Variants in GPR157 observed in about 807,000 individuals in gnomAD.
The protein encoded by GPR157 is G protein-coupled receptor 157.
Under a neutral mutation model 23.5 loss-of-function variants are expected in GPR157, and 16 were observed. That is an observed-to-expected ratio of 0.68 (90% CI 0.46 to 1.04). The LOEUF is 1.04. Ranked by LOEUF, GPR157 falls within the 50% of genes least tolerant of loss-of-function variation. GPR157 has a pLI of 0.00. For missense variants in GPR157, 440 were observed against 460.7 expected, an observed-to-expected ratio of 0.96 and a Z score of 0.41; for synonymous variants, 200 against 221.5, an observed-to-expected ratio of 0.90 and a Z score of 0.86.
chr1:9,115,480 G>A (rs987492154), intron 1 of GPR157, among the ~76,000 whole-genome samples: 2 of 152,028 alleles, frequency 1.3e-5, no homozygotes, highest in Non-Finnish European at 2.9e-5. Context: ...TTCCCTTAAC[G>A]GGATGAAAAT....
intron 1 of GPR157, among the ~76,000 whole-genome samples, chr1:9,117,119 C>T (rs998590646): frequency 2.0e-5 from 3 of 152,144 alleles, no homozygotes; most frequent in Non-Finnish European, 2.9e-5. Context: ...GCTAGGACTA[C>T]AGGCAGGAGC....
chr1:9,129,065 G>A lies in GPR157; in HGVS notation c.-38C>T. On this transcript the variant is annotated 5_prime_UTR_variant, in exon 1 of 4. Transcript: ENST00000377411. ...CAGGAGCCGGAGCGCCGCGAGGACAGAAGCCGGGCCGCGCGTGCGGCCACG... is the reference window on the plus strand; with the variant it reads ...CAGGAGCCGGAGCGCCGCGAGGACAAAAGCCGGGCCGCGCGTGCGGCCACG... The A allele has an allele frequency of 1.6e-6, 2 of 1,223,370 alleles. No individual in the cohort carries two copies. Among genetic ancestry groups the A allele is most frequent in the African/African-American group, 1.6e-5 (1 of 63,738 alleles). The allele number at this position is 1,223,370 out of a possible 1,614,324, so 75.8% of individuals were successfully genotyped here.
intron 1 of GPR157, among the ~76,000 whole-genome samples, chr1:9,123,350 T>A (rs1638863300): frequency 1.4e-4 from 4 of 27,842 alleles, no homozygotes; most frequent in African/African-American, 5.2e-4. Context: ...ATATATATAT[T>A]TAATTTAAAT....
rs894941388 is a variant in GPR157 at position 9,128,307 on chromosome 1, G to A, written c.383+338C>T. 1 of 570,524 alleles carries A rather than the reference G, an allele frequency of 1.8e-6. No homozygotes were observed. Among genetic ancestry groups the A allele is most frequent in the African/African-American group, 1.8e-5 (1 of 54,352 alleles). The allele number at this position is 570,524 out of a possible 1,614,324, so 35.3% of individuals were successfully genotyped here. A position where few individuals can be genotyped will look rare whatever the true frequency, so the allele number is the denominator to read the frequency against. ...AGCCTGTTTCCCCATGGGCAGCAGAGACAGCCAGGACACAGTGAAGCAGGT... is the reference window on the plus strand; with the variant it reads ...AGCCTGTTTCCCCATGGGCAGCAGAAACAGCCAGGACACAGTGAAGCAGGT... On this transcript the variant is annotated intron_variant, in intron 1 of 3. Coordinates refer to ENST00000377411, the MANE Select transcript of GPR157 (RefSeq NM_024980.5). The surrounding 1 kb of genome is among the most constrained non-coding windows in gnomAD (Gnocchi z 6.3).
At chr1:9,123,083 G>C (rs529459990) in intron 1 of GPR157, among the ~76,000 whole-genome samples, 17 of 150,026 alleles carry the variant, frequency 1.1e-4, no homozygotes, top group Admixed American at 6.8e-4. Flanking sequence ...TTGAACACGG[G>C]AGGTGGAGGT....
chr1:9,113,956 A>AACACACACACACACACAC (rs35650719), intron 1 of GPR157, among the ~76,000 whole-genome samples: 3 of 121,884 alleles, frequency 2.5e-5, no homozygotes, highest in Non-Finnish European at 3.3e-5. Context: ...AAAAAAACCA[A>AACACACACACACACACAC]ACACACACAC....
intron 2 of GPR157, among the ~76,000 whole-genome samples, chr1:9,110,248 C>T (rs1197016214): frequency 2.0e-5 from 3 of 152,168 alleles, no homozygotes; most frequent in Non-Finnish European, 4.4e-5. Flanking sequence ...TGAGGCCGGG[C>T]GCGGTGGCTC....
At chr1:9,112,081 G>A (rs947220518) in intron 1 of GPR157, among the ~76,000 whole-genome samples, 3 of 152,236 alleles carry the variant, frequency 2.0e-5, no homozygotes, top group Non-Finnish European at 4.4e-5. Flanking sequence ...GCTGTCCCAG[G>A]TTTCAGGCCT....
intron 1 of GPR157, among the ~76,000 whole-genome samples, chr1:9,123,389 ATTT>A (rs1339765818): frequency 2.7e-5 from 1 of 37,290 alleles, no homozygotes; most frequent in Non-Finnish European, 5.5e-5. Flanking sequence ...TATATATTTA[ATTT>A]AAATATATAT....
intron 1 of GPR157, among the ~76,000 whole-genome samples, chr1:9,121,532 T>C (rs1022567217): frequency 3.3e-5 from 5 of 151,650 alleles, no homozygotes; most frequent in African/African-American, 9.7e-5. Flanking sequence ...CCCAGCTACA[T>C]GGGAGGCTGA....
intron 2 of GPR157, among the ~76,000 whole-genome samples, chr1:9,108,774 C>T (rs1199232529): frequency 6.7e-6 from 1 of 148,194 alleles, no homozygotes; most frequent in Non-Finnish European, 1.5e-5. Flanking sequence ...GGACTATAGA[C>T]ATGCACCAGC....
chr1:9,121,880 C>A (rs867347260), intron 1 of GPR157, among the ~76,000 whole-genome samples: 1 of 152,162 alleles, frequency 6.6e-6, no homozygotes, highest in Non-Finnish European at 1.5e-5. Flanking sequence ...CCCAGCTCAG[C>A]GGGGCCAGAA....
At chr1:9,123,164 A>G (rs60620058) in intron 1 of GPR157, among the ~76,000 whole-genome samples, 52,469 of 100,028 alleles carry the variant, frequency 0.52, 12,290 homozygotes, top group African/African-American at 0.61. Flanking sequence ...CTTGGGTGGG[A>G]AAAAAAAAAA....
At chr1:9,123,275 A>AATATATAATATATATATAAAT (rs1638853965) in intron 1 of GPR157, among the ~76,000 whole-genome samples, 4 of 25,140 alleles carry the variant, frequency 1.6e-4, no homozygotes, top group African/African-American at 5.4e-4. Flanking sequence ...TATATATTTA[A>AATATATAATATATATATAAAT]ATATATATTT....
chr1:9,124,391 G>A (rs6676860), intron 1 of GPR157, among the ~76,000 whole-genome samples: 4,187 of 152,234 alleles, frequency 0.028, 104 homozygotes, highest in African/African-American at 0.065. Flanking sequence ...AGCCAACAGC[G>A]CGTGATGTGC....
Position 9,111,258 on chromosome 1 carries a change from T to C in GPR157, c.597+18A>G. The C allele has an allele frequency of 1.2e-6, 2 of 1,611,752 alleles. No homozygotes were observed. Among genetic ancestry groups the C allele is most frequent in the South Asian group, 2.2e-5 (2 of 90,976 alleles). ...AGCGGCCATGCAGAGGGCCCTGAGC[T>C]CTAAGGGCAGCGCCTACCGCTCTGT... On this transcript the variant is annotated intron_variant, in intron 2 of 3. Coordinates refer to ENST00000377411, the MANE Select transcript of GPR157 (RefSeq NM_024980.5).
intron 2 of GPR157, among the ~76,000 whole-genome samples, chr1:9,110,250 C>A (rs200304505): frequency 1.3e-5 from 2 of 152,188 alleles, no homozygotes; most frequent in African/African-American, 4.8e-5. Context: ...AGGCCGGGCG[C>A]GGTGGCTCAC....
In GPR157 at chr1:9,118,666, T is replaced by C. The variant is rs955209353; in HGVS notation, c.384-7177A>G. The stretch of plus-strand genomic sequence containing the variant: ...TCAGAATGTGAGTGTATTTGAGAGA[T>C]AGGGTCTTTCAAGAGGTGATTAAGT... On this transcript the variant is annotated intron_variant, in intron 1 of 3. Coordinates refer to ENST00000377411, the MANE Select transcript of GPR157 (RefSeq NM_024980.5). The surrounding 1 kb of genome is among the most constrained non-coding windows in gnomAD (Gnocchi z 4.6). 2.6e-5 allele frequency among the ~76,000 whole-genome samples: 4 copies of C among 152,176 alleles called. No homozygotes were observed. Among genetic ancestry groups the C allele is most frequent in the African/African-American group, 9.7e-5 (4 of 41,450 alleles).
chr1:9,104,977 G>A (rs991386471), intron 3 of GPR157, among the ~76,000 whole-genome samples: 2 of 149,880 alleles, frequency 1.3e-5, no homozygotes, highest in African/African-American at 4.9e-5. Flanking sequence ...TCCAACCTGG[G>A]TGACAAAGCC....
Sources: allele counts gnomAD v4.1 joint callset (sites outside exome capture counted in the v4.1 genomes callset), GRCh38; gene constraint gnomAD v4.1.1; non-coding constraint Gnocchi (gnomAD v3.1); transcripts MANE v1.5; gene names NCBI Gene and HGNC (gene_info 2026-07-23, HGNC 2026-07-21).